The following CADPS2 variants were observed in gnomAD, a reference collection of about 807,000 sequenced individuals.
CADPS2 encodes calcium dependent secretion activator 2.
In CADPS2, 93 loss-of-function variants were observed where a neutral mutation model predicts 172.5. The observed-to-expected ratio is 0.54, with a 90% CI of 0.46 to 0.64. The LOEUF (loss-of-function observed/expected upper bound fraction) is 0.64, where lower values mean the gene tolerates loss of function less well. CADPS2 is among the 30% of genes least tolerant of loss of function. CADPS2 has a pLI of 0.00. For missense variants in CADPS2, 1,420 were observed against 1,565.9 expected, an observed-to-expected ratio of 0.91 and a Z score of 1.57; for synonymous variants, 546 against 555.2, an observed-to-expected ratio of 0.98 and a Z score of 0.23.
At chr7:122,789,219 C>G (rs569251988) in intron 1 of CADPS2, among the ~76,000 whole-genome samples, 1 of 152,172 alleles carries the variant, frequency 6.6e-6, no homozygotes, top group Admixed American at 6.5e-5. Context: ...TAGGGAGGTG[C>G]AGAATGCCAA....
At chr7:122,663,931 G>A (rs2080892165) in intron 2 of CADPS2, among the ~76,000 whole-genome samples, 1 of 152,084 alleles carries the variant, frequency 6.6e-6, no homozygotes, top group Non-Finnish European at 1.5e-5. Flanking sequence ...TCCACCACAT[G>A]TGTTCAGAGT....
chr7:122,549,382 T>C (rs553333445), intron 8 of CADPS2, among the ~76,000 whole-genome samples: 7 of 152,172 alleles, frequency 4.6e-5, no homozygotes, highest in African/African-American at 1.7e-4. Context: ...GCTGACTCAA[T>C]ACTTACCGTC....
intron 8 of CADPS2, among the ~76,000 whole-genome samples, chr7:122,520,553 T>C: frequency 6.6e-6 from 1 of 152,068 alleles, no homozygotes; most frequent in East Asian, 1.9e-4. Context: ...TCACAATATG[T>C]TTGAACTATA....
intron 3 of CADPS2, 34 bp from the exon 4 acceptor site, chr7:122,629,362 T>C: frequency 1.9e-6 from 3 of 1,538,836 alleles, no homozygotes; most frequent in East Asian, 4.6e-5. Flanking sequence ...ACATATGTAA[T>C]TACTTAATCT....
chr7:122,846,881 A>G (rs1812130453), intron 1 of CADPS2, among the ~76,000 whole-genome samples: 1 of 152,218 alleles, frequency 6.6e-6, no homozygotes, highest in Non-Finnish European at 1.5e-5. Context: ...GTTTCTTAGT[A>G]TGGCCAGTAG....
rs3034498 is a variant in CADPS2, at chr7:122,579,450, AATATATAT to A, written c.1335+1721_1335+1728del. 4.1e-3 allele frequency among the ~76,000 whole-genome samples: 530 copies of A among 128,630 alleles called. 5 individuals are homozygous for A. The highest frequency in any genetic ancestry group is 0.012 in the African/African-American group (410 of 33,790). 84.4% of individuals were successfully genotyped at this position (128,630 alleles called of 152,430 possible). ...GTTTCTCAGATATAAAATTGCATCG[AATATATAT>A]ATATATATATATATATATATATGTC... On this transcript the variant is annotated intron_variant, in intron 7 of 29. Transcript: ENST00000449022.
At chr7:122,613,636 T>C (rs1013515066) in intron 6 of CADPS2, among the ~76,000 whole-genome samples, 3 of 151,850 alleles carry the variant, frequency 2.0e-5, no homozygotes, top group African/African-American at 7.2e-5. Flanking sequence ...AGTGGTTGGT[T>C]AAGGCTGGAT....
intron 2 of CADPS2, among the ~76,000 whole-genome samples, chr7:122,687,784 A>G (rs968699596): frequency 2.0e-5 from 3 of 152,238 alleles, no homozygotes; most frequent in East Asian, 3.8e-4. Context: ...TCAGGGAGCC[A>G]AAAATAGTAA....
rs769111697 is a variant in CADPS2 at position 122,549,405 on chromosome 7, AT to A, written c.1475+5144del. ...AATACTTACCGTCTACATGACTTTT[AT>A]TTTGTAGTTACCATCGCACTCAAGA... On this transcript the variant is annotated intron_variant, in intron 8 of 29. Transcript: ENST00000449022. Among the ~76,000 whole-genome samples, 4 of 152,132 alleles carry A rather than the reference AT, an allele frequency of 2.6e-5. No individual in the cohort carries two copies. The South Asian group carries it at 8.3e-4, about 31-fold the overall frequency.
intron 4 of CADPS2, 64 bp downstream of exon 4, chr7:122,629,184 T>C (rs2076346135): frequency 1.5e-6 from 2 of 1,331,172 alleles, no homozygotes; most frequent in African/African-American, 1.5e-5. Flanking sequence ...AAACACTTTT[T>C]CAGCTCACAG....
At chr7:122,617,115 C>A (rs777465635) in intron 5 of CADPS2, among the ~76,000 whole-genome samples, 5 of 152,170 alleles carry the variant, frequency 3.3e-5, no homozygotes, top group Non-Finnish European at 2.9e-5. Flanking sequence ...ATCTGCTTGA[C>A]ATTATTTCTG....
chr7:122,712,410 T>G (rs28403443), intron 2 of CADPS2, among the ~76,000 whole-genome samples: 7,437 of 152,218 alleles, frequency 0.049, 237 homozygotes, highest in African/African-American at 0.051. Flanking sequence ...TTATTGATTA[T>G]TTCACTCATT....
intron 12 of CADPS2, among the ~76,000 whole-genome samples, chr7:122,476,983 G>T (rs1407374427): frequency 7.6e-6 from 1 of 131,302 alleles, no homozygotes; most frequent in Admixed American, 8.1e-5. Context: ...CGGGAAGGGG[G>T]GCGGGAGGGG....
chr7:122,454,629 A>G (rs1243809756), intron 14 of CADPS2, among the ~76,000 whole-genome samples: 1 of 152,200 alleles, frequency 6.6e-6, no homozygotes, highest in Admixed American at 6.5e-5. Flanking sequence ...TCAGTTAAAG[A>G]AGACCGTAAG....
intron 2 of CADPS2, among the ~76,000 whole-genome samples, chr7:122,707,052 A>G (rs1273802953): frequency 6.6e-6 from 1 of 151,856 alleles, no homozygotes; most frequent in African/African-American, 2.4e-5. Flanking sequence ...ATGCTGTGTT[A>G]CTAAGGGGAA....
intron 1 of CADPS2, among the ~76,000 whole-genome samples, chr7:122,816,682 C>A (rs1801517587): frequency 1.3e-5 from 2 of 152,204 alleles, no homozygotes; most frequent in African/African-American, 4.8e-5. Context: ...TTCTCCATGT[C>A]TTCGGCAGCA....
intron 1 of CADPS2, among the ~76,000 whole-genome samples, chr7:122,836,559 G>A (rs539363664): frequency 6.6e-6 from 1 of 152,058 alleles, no homozygotes. Flanking sequence ...GACACACATA[G>A]GCTCAAAATA....
intron 19 of CADPS2, among the ~76,000 whole-genome samples, chr7:122,407,946 A>C (rs1321358001): frequency 6.6e-6 from 1 of 152,202 alleles, no homozygotes; most frequent in Admixed American, 6.5e-5. Context: ...TATAAAAGAA[A>C]TACATGATTA....
chr7:122,377,053 C>T (rs936460125), intron 25 of CADPS2, among the ~76,000 whole-genome samples: 4 of 151,982 alleles, frequency 2.6e-5, no homozygotes, highest in Non-Finnish European at 4.4e-5. Flanking sequence ...AAGATAAGTA[C>T]GATTTGACAG....
Sources: gnomAD v4.1 joint callset for allele counts (sites outside exome capture counted in the v4.1 genomes callset) on GRCh38, gnomAD v4.1.1 for gene constraint, MANE v1.5 for transcripts, NCBI Gene and HGNC (gene_info 2026-07-23, HGNC 2026-07-21) for gene names.